ATF2: variants seen among roughly 807,000 people sequenced by gnomAD.
ATF2 encodes activating transcription factor 2, also known as cyclic AMP-dependent transcription factor ATF-2.
In ATF2, 24 loss-of-function variants were observed where a neutral mutation model predicts 60.6. The ratio of observed to expected loss-of-function variants is 0.40; its 90% CI spans 0.29 to 0.56. ATF2 has a LOEUF of 0.56. Ranked by LOEUF, ATF2 falls within the 20% of genes least tolerant of loss-of-function variation. The probability of loss-of-function intolerance (pLI) is 0.54; values close to 1 mark genes in which losing one functional copy is unlikely to be tolerated. For synonymous variants in ATF2, 206 were observed against 215.4 expected (o/e 0.96, Z 0.38); for missense variants, 433 against 607.7 (o/e 0.71, Z 3.02).
chr2:175,158,011 T>C (rs1699794396), intron 1 of ATF2, among the ~76,000 whole-genome samples: 1 of 150,708 alleles, frequency 6.6e-6, no homozygotes, highest in Non-Finnish European at 1.5e-5. Flanking sequence ...AAAACACCAA[T>C]ATCTGTCATC....
At chr2:175,121,987 G>T (rs183094711) in intron 4 of ATF2, among the ~76,000 whole-genome samples, 1 of 151,760 alleles carries the variant, frequency 6.6e-6, no homozygotes, top group Non-Finnish European at 1.5e-5. Flanking sequence ...TCTTATAAAA[G>T]TATTACGCCT....
At chr2:175,091,787 C>T (rs530762298) in intron 12 of ATF2, among the ~76,000 whole-genome samples, 12 of 152,244 alleles carry the variant, frequency 7.9e-5, no homozygotes, top group Admixed American at 3.3e-4. Flanking sequence ...CACTGGCACC[C>T]GGGAGCTGGA....
At chr2:175,165,789 C>A (rs1211449489) in intron 1 of ATF2, among the ~76,000 whole-genome samples, 1 of 152,242 alleles carries the variant, frequency 6.6e-6, no homozygotes, top group African/African-American at 2.4e-5. Context: ...CCGCCTCAGC[C>A]TCTCGAGTAG....
intron 4 of ATF2, among the ~76,000 whole-genome samples, chr2:175,126,490 C>G (rs1414515186): frequency 6.6e-6 from 1 of 152,130 alleles, no homozygotes; most frequent in East Asian, 1.9e-4. Flanking sequence ...TGCATGTTAA[C>G]TCCTTTAATA....
At chr2:175,121,227 G>T (rs546604947) in intron 5 of ATF2, among the ~76,000 whole-genome samples, 8 of 151,714 alleles carry the variant, frequency 5.3e-5, no homozygotes, top group African/African-American at 1.9e-4. Context: ...CCACAAAATC[G>T]ACATTGGAAT....
At chr2:175,128,589 T>C (rs1210440897) in intron 4 of ATF2, among the ~76,000 whole-genome samples, 1 of 151,572 alleles carries the variant, frequency 6.6e-6, no homozygotes, top group Non-Finnish European at 1.5e-5. Context: ...AATGAAACAG[T>C]AAGTTTTAGA....
intron 10 of ATF2, 103 bp from the exon 11 acceptor site, chr2:175,097,696 T>C: frequency 8.0e-7 from 1 of 1,242,840 alleles, no homozygotes. Context: ...CCTGAGTCCT[T>C]TTGCCTAGTA....
At chr2:175,161,714 G>T (rs1333771873) in intron 1 of ATF2, among the ~76,000 whole-genome samples, 1 of 151,510 alleles carries the variant, frequency 6.6e-6, no homozygotes, top group East Asian at 1.9e-4. Flanking sequence ...AAATCATAAT[G>T]ACACATTCAT....
Position 175,138,149 on chromosome 2 carries a change from GA to G in ATF2, c.-43-1664del, listed in dbSNP as rs533927707. Among the ~76,000 whole-genome samples the G allele has an allele frequency of 1.8e-3, 269 of 152,318 alleles. 2 individuals carry two copies. Among genetic ancestry groups the G allele is most frequent in the African/African-American group, 5.8e-3 (240 of 41,582 alleles). ...TACTGGTAGGAAAATCAACTGTCAT[GA>G]AAAGCACCAGGAGAGTTCTAGGTAA... On this transcript the variant is annotated intron_variant, in intron 2 of 13. Coordinates refer to ENST00000264110, the MANE Select transcript of ATF2 (RefSeq NM_001880.4).
rs549080285 is a variant in ATF2, at chr2:175,116,660, T to A, written c.447+1330A>T. On this transcript the variant is annotated intron_variant, in intron 7 of 13. Transcript: ENST00000264110. ...GAAGAGGTCCAGATTTTTTTTTTTTTAAATCAATTTCATATGGTATACCTT... is the reference window on the plus strand; with the variant it reads ...GAAGAGGTCCAGATTTTTTTTTTTTAAAATCAATTTCATATGGTATACCTT... 3.2e-4 allele frequency among the ~76,000 whole-genome samples: 48 copies of A among 151,654 alleles called. No individual in the cohort carries two copies. The East Asian group carries it at 3.9e-3, about 12-fold the overall frequency.
rs558859219 is a variant in ATF2 at position 175,130,334 on chromosome 2, C to A, written c.33-127G>T. The A allele has an allele frequency of 9.4e-6, 5 of 532,706 alleles. No individual in the cohort carries two copies. In the South Asian group the frequency reaches 3.2e-4, roughly 34 times the overall value. The allele number at this position is 532,706 out of a possible 1,614,324, so 33.0% of individuals were successfully genotyped here. On this transcript the variant is annotated intron_variant, in intron 3 of 13. Coordinates refer to ENST00000264110, the MANE Select transcript of ATF2 (RefSeq NM_001880.4). ...TTTTAATACAAAATAAAACACTTTTCTGACATTTTAATTCTATCTTTCTTA... is the reference window on the plus strand; with the variant it reads ...TTTTAATACAAAATAAAACACTTTTATGACATTTTAATTCTATCTTTCTTA...
chr2:175,107,807 G>C (rs1448270532), intron 10 of ATF2, among the ~76,000 whole-genome samples: 1 of 152,246 alleles, frequency 6.6e-6, no homozygotes, highest in Admixed American at 6.5e-5. Context: ...AACCGCGAGT[G>C]ATCTGCCAGC....
chr2:175,114,694 T>C lies in ATF2; in HGVS notation c.622A>G (p.Ile208Val), dbSNP rs537966016. 5.6e-6 allele frequency: 9 copies of C among 1,613,084 alleles called. No homozygotes were observed. In the African/African-American group the frequency reaches 1.1e-4, roughly 19 times the overall value. The change falls in exon 8 of 14, where the codon ATT becomes GTT. Residue 208 changes from isoleucine (I) to valine (V), a missense_variant. Physicochemically the swap from Ile to Val is conservative, Grantham distance 29 (BLOSUM62 3). Coordinates refer to ENST00000264110, the MANE Select transcript of ATF2 (RefSeq NM_001880.4). ...ITQAPSSNRP[I>V]VPVPGPFPLL... is the part of the protein sequence containing the mutation. ...TGATTGGCCTGAATCACTTACACAA[T>C]TGGCCTGTTAGAGGATGGTGCCTGG...
rs915967579 is a variant in ATF2 at position 175,118,034 on chromosome 2, C to G, written c.403G>C (p.Asp135His). The G allele has an allele frequency of 2.5e-6, 4 of 1,611,946 alleles. No homozygotes were observed. The African/African-American group carries it at 4.0e-5, about 16-fold the overall frequency. The change falls in exon 7 of 14, where the codon GAT (aspartate) becomes CAT (histidine). Residue 135 changes from aspartate (D) to histidine (H), a missense_variant. This residue lies in a region of ATF2 where 246 missense variants were observed against 309.3 expected (regional missense o/e 0.80). Coordinates refer to ENST00000264110, the MANE Select transcript of ATF2 (RefSeq NM_001880.4). ...EPSVVETTHQ[D>H]SPLPHPESTT... The stretch of plus-strand genomic sequence containing the variant: ...GACTCTGGGTGAGGTAAAGGACTAT[C>G]CTGGTGAGTTGTTTCTACAACAGAA...
chr2:175,146,834 TAC>T (rs572916706), intron 2 of ATF2, among the ~76,000 whole-genome samples: 1 of 152,176 alleles, frequency 6.6e-6, no homozygotes, highest in South Asian at 2.1e-4. Context: ...CAGTACTATC[TAC>T]AGTCTCAGGC....
intron 2 of ATF2, among the ~76,000 whole-genome samples, chr2:175,141,064 T>C (rs1262734675): frequency 1.5e-5 from 2 of 136,286 alleles, no homozygotes; most frequent in Non-Finnish European, 3.1e-5. Context: ...TATATATATA[T>C]GTGTGTGTAT....
rs574984504 is a variant in ATF2, at chr2:175,125,061, T to C, written c.103-3521A>G. 3.3e-5 allele frequency among the ~76,000 whole-genome samples: 5 copies of C among 152,208 alleles called. 1 individual carries two copies. The highest frequency in any genetic ancestry group is 1.2e-4 in the African/African-American group (5 of 41,576). ...CTCTGAAGTTGTATTGTCACCAAAA[T>C]AGATTTTAAATTGTAAAAATCTATT... On this transcript the variant is annotated intron_variant, in intron 4 of 13. Coordinates refer to ENST00000264110, the MANE Select transcript of ATF2 (RefSeq NM_001880.4).
chr2:175,129,214 A>T (rs1342194104), intron 4 of ATF2, among the ~76,000 whole-genome samples: 1 of 152,196 alleles, frequency 6.6e-6, no homozygotes, highest in Non-Finnish European at 1.5e-5. Flanking sequence ...GTGAAAAAAC[A>T]TACATACTAT....
intron 10 of ATF2, among the ~76,000 whole-genome samples, chr2:175,110,095 G>A (rs186451963): frequency 6.6e-6 from 1 of 152,122 alleles, no homozygotes; most frequent in Non-Finnish European, 1.5e-5. Flanking sequence ...CCAACACTTT[G>A]GGAGGCTGGG....
Sources: gnomAD v4.1 joint callset for allele counts (sites outside exome capture counted in the v4.1 genomes callset) on GRCh38, gnomAD v4.1.1 for gene constraint, gnomAD v4.1.1 regional missense constraint, MANE v1.5 for transcripts, NCBI Gene and HGNC (gene_info 2026-07-23, HGNC 2026-07-21) for gene names.